Variants in TCF4 observed in about 807,000 individuals in gnomAD.
The protein encoded by TCF4 is transcription factor 4.
Under a neutral mutation model 82.1 loss-of-function variants are expected in TCF4, and 3 were observed. The observed-to-expected ratio is 0.04, with a 90% confidence interval of 0.02 to 0.09. The LOEUF is 0.09. TCF4 is among the 10% of genes least tolerant of loss of function. TCF4 has a pLI of 1.00. For missense variants in TCF4, 518 were observed against 852.7 expected (o/e 0.61, Z 4.89); for synonymous variants, 276 against 309.6 (o/e 0.89, Z 1.14).
At chr18:55,440,608 C>G (rs1001928304) in intron 5 of TCF4, among the ~76,000 whole-genome samples, 2 of 152,208 alleles carry the variant, frequency 1.3e-5, no homozygotes, top group Non-Finnish European at 1.5e-5. Context: ...GCCCCTTCTT[C>G]AGGTACTTTG....
chr18:55,409,251 G>A (rs1169370290), intron 5 of TCF4, among the ~76,000 whole-genome samples: 1 of 152,118 alleles, frequency 6.6e-6, no homozygotes, highest in African/African-American at 2.4e-5. Flanking sequence ...AACCAAAAGG[G>A]AGACTAATTA....
intron 3 of TCF4, among the ~76,000 whole-genome samples, chr18:55,513,606 T>C (rs2096850975): frequency 6.6e-6 from 1 of 152,148 alleles, no homozygotes; most frequent in African/African-American, 2.4e-5. Flanking sequence ...AGACTACAAA[T>C]GCATCCTTCA....
intron 15 of TCF4, among the ~76,000 whole-genome samples, chr18:55,239,241 A>G (rs549243916): frequency 6.6e-6 from 1 of 152,236 alleles, no homozygotes; most frequent in Non-Finnish European, 1.5e-5. Context: ...TGATAGAAAC[A>G]CTTTTAAATC....
intron 8 of TCF4, among the ~76,000 whole-genome samples, chr18:55,340,653 T>C (rs2147954053): frequency 6.6e-6 from 1 of 150,836 alleles, no homozygotes; most frequent in East Asian, 2.0e-4. Flanking sequence ...TTAGGTAAAA[T>C]TCTTTTGAAC....
At chr18:55,276,086 A>G (rs765398677) in intron 9 of TCF4, among the ~76,000 whole-genome samples, 4 of 152,146 alleles carry the variant, frequency 2.6e-5, no homozygotes, top group Non-Finnish European at 4.4e-5. Flanking sequence ...TTTTCTATGA[A>G]AACCAACTAA....
chr18:55,604,891 C>A (rs570082878), intron 2 of TCF4, among the ~76,000 whole-genome samples: 1 of 152,144 alleles, frequency 6.6e-6, no homozygotes, highest in African/African-American at 2.4e-5. Context: ...TGAAGGCAGG[C>A]CATTGAGGGA....
intron 2 of TCF4, among the ~76,000 whole-genome samples, chr18:55,624,759 G>A (rs183567305): frequency 1.1e-4 from 16 of 152,056 alleles, no homozygotes; most frequent in African/African-American, 3.4e-4. Flanking sequence ...TACATCCTTC[G>A]TTTCATTTAC....
chr18:55,402,076 C>T (rs774784905), intron 6 of TCF4: 30 of 985,280 alleles, frequency 3.0e-5, no homozygotes, highest in African/African-American at 5.2e-5. Flanking sequence ...GTTTCCGTTG[C>T]GCTGGAATGG....
In TCF4 at chr18:55,420,083, A is replaced by G. The variant is rs140259205; in HGVS notation, c.305-16565T>C. Among the ~76,000 whole-genome samples, 43 of 152,266 alleles carry G rather than the reference A, an allele frequency of 2.8e-4. 1 individual carries two copies. The highest frequency in any genetic ancestry group is 1.0e-3 in the African/African-American group (42 of 41,544). On this transcript the variant is annotated intron_variant, in intron 5 of 19. Transcript: ENST00000354452. ...GCTGCTGGACAGTGGAAATCCCATCACTTTAAAAAGAAAATGCCCACAGGA... is the reference window on the plus strand; with the variant it reads ...GCTGCTGGACAGTGGAAATCCCATCGCTTTAAAAAGAAAATGCCCACAGGA...
chr18:55,313,986 T>C (rs150405926), intron 8 of TCF4, among the ~76,000 whole-genome samples: 3,261 of 152,212 alleles, frequency 0.021, 58 homozygotes, highest in Non-Finnish European at 0.034. Context: ...GTTGGCGATA[T>C]TTGCAACTAA....
chr18:55,410,836 C>T (rs1177317854), intron 5 of TCF4, among the ~76,000 whole-genome samples: 3 of 151,972 alleles, frequency 2.0e-5, no homozygotes, highest in South Asian at 2.1e-4. Context: ...TGAAAATGTC[C>T]GAATCGATAA....
chr18:55,483,227 T>C (rs954505547), intron 3 of TCF4, among the ~76,000 whole-genome samples: 10 of 152,240 alleles, frequency 6.6e-5, no homozygotes, highest in African/African-American at 2.4e-4. Context: ...CATTCTGCAG[T>C]GCTCCTGTGA....
intron 5 of TCF4, among the ~76,000 whole-genome samples, chr18:55,434,923 T>C (rs576742121): frequency 6.6e-6 from 1 of 152,120 alleles, no homozygotes; most frequent in Non-Finnish European, 1.5e-5. Context: ...CATTTATCCT[T>C]TATGTTACAA....
intron 8 of TCF4, among the ~76,000 whole-genome samples, chr18:55,285,524 T>C (rs1273328374): frequency 1.3e-5 from 2 of 152,194 alleles, no homozygotes; most frequent in Non-Finnish European, 2.9e-5. Context: ...TTATTTGAAT[T>C]AAACTCAACC....
intron 5 of TCF4, among the ~76,000 whole-genome samples, chr18:55,453,483 A>G (rs2095667142): frequency 6.6e-6 from 1 of 152,246 alleles, no homozygotes; most frequent in Non-Finnish European, 1.5e-5. Context: ...CTTTGGGTCA[A>G]TAACTTTCTA....
chr18:55,495,170 G>C (rs949994371), intron 3 of TCF4, among the ~76,000 whole-genome samples: 2 of 151,988 alleles, frequency 1.3e-5, no homozygotes, highest in African/African-American at 2.4e-5. Flanking sequence ...CAATAGATAA[G>C]TTGTTTCAGT....
At chr18:55,631,314 G>C (rs1227538995) in exon 2 of TCF4, 20 of 1,518,012 alleles carry the variant, frequency 1.3e-5, no homozygotes, top group Non-Finnish European at 1.7e-5. Flanking sequence ...CTCCCAAAGT[G>C]CTGGGATTAC....
At chr18:55,431,684 G>A (rs1423635455) in intron 5 of TCF4, among the ~76,000 whole-genome samples, 3 of 152,188 alleles carry the variant, frequency 2.0e-5, no homozygotes, top group African/African-American at 4.8e-5. Flanking sequence ...CAAGATGGCA[G>A]CAGGCGGTGA....
chr18:55,401,097 C>G (rs1290847153), intron 6 of TCF4: 1 of 1,288,880 alleles, frequency 7.8e-7, no homozygotes, highest in Admixed American at 2.3e-5. Context: ...GTTTGCATAG[C>G]TGATGTTGTA....
Sources: gnomAD v4.1 joint callset for allele counts (sites outside exome capture counted in the v4.1 genomes callset) on GRCh38, gnomAD v4.1.1 for gene constraint, MANE v1.5 for transcripts, NCBI Gene and HGNC (gene_info 2026-07-23, HGNC 2026-07-21) for gene names.